Variants in PSMD1 observed in about 807,000 individuals in gnomAD.
PSMD1 encodes 26S proteasome non-ATPase regulatory subunit 1.
PSMD1 carries 18 observed loss-of-function variants against 119.0 expected under a neutral mutation model. The observed-to-expected ratio is 0.15, with a 90% CI of 0.10 to 0.22. The LOEUF is 0.22. PSMD1 is among the 10% of genes least tolerant of loss of function. PSMD1 has a pLI of 1.00. For synonymous variants in PSMD1, 374 were observed against 396.6 expected (o/e 0.94, Z 0.68); for missense variants, 702 against 1,158.5 (o/e 0.61, Z 5.72).
intron 16 of PSMD1, chr2:231,123,884 G>A: frequency 1.3e-6 from 1 of 790,050 alleles, no homozygotes; most frequent in South Asian, 1.4e-5. Context: ...AGCCAAAGTT[G>A]ACACCTTCCT....
intron 23 of PSMD1, among the ~76,000 whole-genome samples, chr2:231,167,912 A>C (rs1174698935): frequency 1.3e-5 from 2 of 152,234 alleles, no homozygotes; most frequent in African/African-American, 4.8e-5. Context: ...ATTACTCATT[A>C]GGAAATGCAA....
chr2:231,059,989 C>T (rs936769790), intron 1 of PSMD1, among the ~76,000 whole-genome samples: 4 of 152,206 alleles, frequency 2.6e-5, no homozygotes, highest in Admixed American at 2.6e-4. Flanking sequence ...TATAAAAATC[C>T]ATCTCCCTTT....
At chr2:231,165,143 T>C in intron 21 of PSMD1, 57 bp from the exon 22 acceptor site, 8 of 1,358,924 alleles carry the variant, frequency 5.9e-6, no homozygotes, top group Non-Finnish European at 7.9e-6. Context: ...TCTCTAGGGC[T>C]TGCATGTTTG....
chr2:231,100,358 T>G (rs1017326905), intron 16 of PSMD1, among the ~76,000 whole-genome samples: 2 of 152,210 alleles, frequency 1.3e-5, no homozygotes, highest in African/African-American at 4.8e-5. Context: ...GCTGTGTCAT[T>G]CCCCTGTTGG....
At chr2:231,114,093 T>G (rs540842989) in intron 16 of PSMD1, among the ~76,000 whole-genome samples, 3 of 152,356 alleles carry the variant, frequency 2.0e-5, no homozygotes, top group Admixed American at 6.5e-5. Context: ...CAACATTAAA[T>G]TCAATATTTC....
intron 16 of PSMD1, among the ~76,000 whole-genome samples, chr2:231,125,338 C>A (rs137865852): frequency 6.6e-6 from 1 of 152,174 alleles, no homozygotes; most frequent in Non-Finnish European, 1.5e-5. Flanking sequence ...TAAGCCTGAG[C>A]TGTTTTTCAC....
chr2:231,091,161 A>G (rs1434482372), intron 16 of PSMD1, among the ~76,000 whole-genome samples: 1 of 152,174 alleles, frequency 6.6e-6, no homozygotes, highest in Non-Finnish European at 1.5e-5. Flanking sequence ...GTACAGATTT[A>G]ATGAGAAAGG....
intron 16 of PSMD1, among the ~76,000 whole-genome samples, chr2:231,113,166 A>C (rs939096821): frequency 6.6e-6 from 1 of 152,274 alleles, no homozygotes; most frequent in Middle Eastern, 3.4e-3. Flanking sequence ...CCTGTCTCCA[A>C]AAAAGAAAAA....
At position 231,067,085 on chromosome 2, in the gene PSMD1, G is replaced by A. The variant is rs140671888; in HGVS notation, c.484G>A (p.Val162Ile). ...GIALETRRLD[V>I]FEKTILESND... The stretch of plus-strand genomic sequence containing the variant: ...TGCTCTGGAGACACGAAGACTGGAC[G>A]TCTTTGAAAAGACCATACTGGAGTC... Residue 162 changes from valine (V) to isoleucine (I), a missense_variant, in exon 5 of 25, where the codon GTC (valine) becomes ATC (isoleucine). This residue lies in a region of PSMD1 where 58 missense variants were observed against 54.0 expected (regional missense o/e 1.07). Coordinates refer to ENST00000308696, the MANE Select transcript of PSMD1 (RefSeq NM_002807.4). The A allele has an allele frequency of 1.0e-4, 166 of 1,607,398 alleles. 2 individuals carry two copies. In the East Asian group the frequency reaches 3.2e-3, roughly 31 times the overall value.
At chr2:231,121,436 A>G (rs1398663606) in intron 16 of PSMD1, among the ~76,000 whole-genome samples, 2 of 152,218 alleles carry the variant, frequency 1.3e-5, no homozygotes, top group Non-Finnish European at 2.9e-5. Flanking sequence ...TAAAATGTCT[A>G]TCAATTATTT....
intron 6 of PSMD1, among the ~76,000 whole-genome samples, chr2:231,070,906 C>T (rs1162719003): frequency 1.3e-5 from 2 of 151,940 alleles, no homozygotes; most frequent in African/African-American, 2.4e-5. Flanking sequence ...AAAATGTGCT[C>T]CTGTGTATTT....
intron 15 of PSMD1, among the ~76,000 whole-genome samples, chr2:231,086,223 T>C (rs541067132): frequency 3.9e-5 from 6 of 152,174 alleles, no homozygotes; most frequent in African/African-American, 1.4e-4. Context: ...TTTTAACTTT[T>C]TGTGTAGACA....
At chr2:231,151,976 C>G (rs1184272705) in intron 18 of PSMD1, among the ~76,000 whole-genome samples, 1 of 151,946 alleles carries the variant, frequency 6.6e-6, no homozygotes, top group Non-Finnish European at 1.5e-5. Context: ...CCATGCCCAG[C>G]TCATTTTTTG....
At chr2:231,141,082 C>T (rs563014377) in intron 17 of PSMD1, among the ~76,000 whole-genome samples, 11 of 151,486 alleles carry the variant, frequency 7.3e-5, no homozygotes, top group African/African-American at 2.4e-4. Flanking sequence ...CCGAGGCGGG[C>T]GGATCACCTG....
At chr2:231,092,169 G>A (rs573824303) in intron 16 of PSMD1, among the ~76,000 whole-genome samples, 2 of 152,106 alleles carry the variant, frequency 1.3e-5, no homozygotes, top group Admixed American at 6.6e-5. Context: ...GACCTGGGAC[G>A]GGGCATGTTC....
chr2:231,163,508 CAG>C (rs1420872992), intron 20 of PSMD1, 125 bp from the exon 21 acceptor site: 3 of 588,900 alleles, frequency 5.1e-6, no homozygotes, highest in Non-Finnish European at 6.0e-6. Context: ...ACATGGCTTT[CAG>C]AGAGGAGTCA....
chr2:231,121,063 T>C (rs1465295183), intron 16 of PSMD1, among the ~76,000 whole-genome samples: 3 of 152,258 alleles, frequency 2.0e-5, no homozygotes, highest in African/African-American at 7.2e-5. Flanking sequence ...TGTGTTTTTT[T>C]CCTACATTTT....
In PSMD1 at chr2:231,099,351, G is replaced by A. The variant is rs530021915; in HGVS notation, c.1883+12170G>A. Among the ~76,000 whole-genome samples the A allele has an allele frequency of 1.5e-3, 230 of 152,258 alleles. 2 individuals carry two copies. Among genetic ancestry groups the A allele is most frequent in the Non-Finnish European group, 2.9e-3 (197 of 68,012 alleles). ...ACTGGACTTTTACCATTAACATATC[G>A]GATTAGAAGCTGACACGTTACATCC... On this transcript the variant is annotated intron_variant, in intron 16 of 24. Coordinates refer to ENST00000308696, the MANE Select transcript of PSMD1 (RefSeq NM_002807.4).
intron 19 of PSMD1, among the ~76,000 whole-genome samples, chr2:231,155,245 A>G (rs906849234): frequency 2.0e-5 from 3 of 152,042 alleles, no homozygotes; most frequent in South Asian, 4.1e-4. Flanking sequence ...ATTTTTTTTC[A>G]CATTTATTAG....
Sources: gnomAD v4.1 joint callset for allele counts (sites outside exome capture counted in the v4.1 genomes callset) on GRCh38, gnomAD v4.1.1 for gene constraint, gnomAD v4.1.1 regional missense constraint, MANE v1.5 for transcripts, NCBI Gene and HGNC (gene_info 2026-07-23, HGNC 2026-07-21) for gene names.